The following BRINP3 variants were observed in gnomAD, a reference collection of about 807,000 sequenced individuals.
BRINP3 encodes the protein BMP/retinoic acid inducible neural specific 3.
BRINP3 carries 19 observed loss-of-function variants against 71.0 expected under a neutral mutation model. The observed-to-expected ratio is 0.27, with a 90% CI of 0.19 to 0.39. The LOEUF is 0.39. Ranked by LOEUF, BRINP3 falls within the 10% of genes least tolerant of loss-of-function variation. The pLI, the probability that BRINP3 is intolerant of heterozygous loss-of-function variation, is 1.00. For synonymous variants in BRINP3, 380 were observed against 337.7 expected (o/e 1.13, Z -1.37); for missense variants, 959 against 940.8 (o/e 1.02, Z -0.25).
intron 4 of BRINP3, among the ~76,000 whole-genome samples, chr1:190,247,810 G>A (rs544226361): frequency 2.0e-4 from 31 of 151,876 alleles, no homozygotes; most frequent in African/African-American, 6.5e-4. Flanking sequence ...CCATGTTGGC[G>A]CGACATGATT....
At chr1:190,420,162 G>C (rs1432575586) in intron 2 of BRINP3, among the ~76,000 whole-genome samples, 1 of 151,990 alleles carries the variant, frequency 6.6e-6, no homozygotes, top group Non-Finnish European at 1.5e-5. Context: ...GACACAAACA[G>C]CTGCTCTAAG....
chr1:190,204,455 A>ATCGGT (rs200433440), intron 6 of BRINP3, among the ~76,000 whole-genome samples: 89,749 of 151,304 alleles, frequency 0.59, 27,399 homozygotes, highest in African/African-American at 0.76. Context: ...TAGATGGAAA[A>ATCGGT]ACTAGGATTC....
intron 2 of BRINP3, among the ~76,000 whole-genome samples, chr1:190,375,369 G>A (rs942644017): frequency 4.6e-5 from 7 of 151,476 alleles, no homozygotes; most frequent in African/African-American, 1.7e-4. Context: ...ACCATGTACT[G>A]GAAAAGAGCA....
chr1:190,369,765 C>T (rs1449416332), intron 2 of BRINP3, among the ~76,000 whole-genome samples: 1 of 151,892 alleles, frequency 6.6e-6, no homozygotes, highest in Non-Finnish European at 1.5e-5. Flanking sequence ...CGACTATGAA[C>T]TTACTGACCC....
rs1656196462 is a variant in BRINP3, at chr1:190,149,516, G to T, written c.1184+11152C>A. 3.3e-5 allele frequency among the ~76,000 whole-genome samples: 5 copies of T among 151,984 alleles called. No homozygotes were observed. The East Asian group carries it at 7.7e-4, about 23-fold the overall frequency. On this transcript the variant is annotated intron_variant, in intron 7 of 7. Transcript: ENST00000367462. ...AAATCATGTATTTAGATCATAATCA[G>T]GTATTGCTCTCCTTATGTATTAAAT...
At chr1:190,209,183 T>C (rs1205333633) in intron 6 of BRINP3, among the ~76,000 whole-genome samples, 1 of 152,158 alleles carries the variant, frequency 6.6e-6, no homozygotes, top group African/African-American at 2.4e-5. Flanking sequence ...TTAATCTTCT[T>C]ATACATAATT....
At chr1:190,392,525 T>C (rs1671316108) in intron 2 of BRINP3, among the ~76,000 whole-genome samples, 1 of 151,712 alleles carries the variant, frequency 6.6e-6, no homozygotes, top group Non-Finnish European at 1.5e-5. Flanking sequence ...TACATTGTAC[T>C]GCAGTTTCGA....
intron 2 of BRINP3, among the ~76,000 whole-genome samples, chr1:190,448,278 TATTTA>T (rs1174200712): frequency 1.3e-5 from 2 of 151,656 alleles, no homozygotes; most frequent in Non-Finnish European, 3.0e-5. Context: ...AATAAGGATA[TATTTA>T]ATTTATTATG....
chr1:190,273,639 T>A (rs892093681), intron 3 of BRINP3, among the ~76,000 whole-genome samples: 1 of 151,592 alleles, frequency 6.6e-6, no homozygotes, highest in African/African-American at 2.4e-5. Context: ...ACATTTTTTA[T>A]AAGATATGGC....
intron 6 of BRINP3, among the ~76,000 whole-genome samples, chr1:190,225,543 G>A (rs894229351): frequency 4.6e-5 from 7 of 151,906 alleles, no homozygotes; most frequent in Non-Finnish European, 1.0e-4. Flanking sequence ...TTTATTAAGT[G>A]TGCTTAAAAA....
At chr1:190,298,482 C>A (rs1325547287) in intron 2 of BRINP3, among the ~76,000 whole-genome samples, 1 of 151,654 alleles carries the variant, frequency 6.6e-6, no homozygotes, top group Non-Finnish European at 1.5e-5. Flanking sequence ...ATTTCTCTCT[C>A]AGCACTGCTT....
chr1:190,136,774 T>C (rs1232533874), intron 7 of BRINP3, among the ~76,000 whole-genome samples: 1 of 152,050 alleles, frequency 6.6e-6, no homozygotes, highest in Admixed American at 6.6e-5. Flanking sequence ...TCCAAAATAC[T>C]AATAGGAAGC....
intron 2 of BRINP3, among the ~76,000 whole-genome samples, chr1:190,405,713 A>G (rs1470174943): frequency 6.6e-6 from 1 of 152,110 alleles, no homozygotes; most frequent in Non-Finnish European, 1.5e-5. Flanking sequence ...AAAAACACAC[A>G]ATAATATTGT....
chr1:190,299,224 T>C (rs1664484785), intron 2 of BRINP3, among the ~76,000 whole-genome samples: 1 of 152,086 alleles, frequency 6.6e-6, no homozygotes, highest in Admixed American at 6.6e-5. Context: ...ATAGACAGCT[T>C]ACATAGGAGC....
rs191070911 is a variant in BRINP3 at position 190,387,785 on chromosome 1, C to T, written c.236+66870G>A. On this transcript the variant is annotated intron_variant, in intron 2 of 7. Coordinates refer to ENST00000367462, the MANE Select transcript of BRINP3 (RefSeq NM_199051.3). Reference sequence around the variant, plus strand: ...CTTTCTTGATGACCTCCTCCAGCTTCGTGGCTTTAAATGTCATCTTTATGA... The same window carrying T: ...CTTTCTTGATGACCTCCTCCAGCTTTGTGGCTTTAAATGTCATCTTTATGA... 9.9e-5 allele frequency among the ~76,000 whole-genome samples: 15 copies of T among 151,966 alleles called. No homozygotes were observed. The East Asian group carries it at 2.1e-3, about 22-fold the overall frequency.
rs577253340 is a variant in BRINP3 at position 190,311,157 on chromosome 1, C to T, written c.237-29407G>A. On this transcript the variant is annotated intron_variant, in intron 2 of 7. Coordinates refer to ENST00000367462, the MANE Select transcript of BRINP3 (RefSeq NM_199051.3). Reference sequence around the variant, plus strand: ...TGAACTGAAACAGCAAGCACAAGGTCCCATGTGCTTTTATCATAAATGACT... The same window carrying T: ...TGAACTGAAACAGCAAGCACAAGGTTCCATGTGCTTTTATCATAAATGACT... Among the ~76,000 whole-genome samples the T allele has an allele frequency of 9.9e-5, 15 of 151,746 alleles. No homozygotes were observed. In the South Asian group the frequency reaches 2.5e-3, roughly 25 times the overall value.
intron 6 of BRINP3, among the ~76,000 whole-genome samples, chr1:190,207,943 C>T (rs1655655706): frequency 6.6e-6 from 1 of 151,868 alleles, no homozygotes; most frequent in Admixed American, 6.6e-5. Context: ...ATGTGTAATA[C>T]ATATTGTGTA....
At chr1:190,144,536 A>G (rs1655723680) in intron 7 of BRINP3, among the ~76,000 whole-genome samples, 1 of 152,176 alleles carries the variant, frequency 6.6e-6, no homozygotes, top group Non-Finnish European at 1.5e-5. Context: ...TAATTAAATT[A>G]GAAAACTAAG....
At chr1:190,430,223 T>C (rs1674004257) in intron 2 of BRINP3, among the ~76,000 whole-genome samples, 2 of 152,160 alleles carry the variant, frequency 1.3e-5, no homozygotes, top group Admixed American at 1.3e-4. Flanking sequence ...AGTCAGTCAG[T>C]TTTGCTCTTC....
Sources: allele counts gnomAD v4.1 joint callset (sites outside exome capture counted in the v4.1 genomes callset), GRCh38; gene constraint gnomAD v4.1.1; transcripts MANE v1.5; gene names NCBI Gene and HGNC (gene_info 2026-07-23, HGNC 2026-07-21).